The following VPS13D variants were observed in gnomAD, a reference collection of about 807,000 sequenced individuals.
VPS13D encodes the protein intermembrane lipid transfer protein VPS13D.
Under a neutral mutation model 461.9 loss-of-function variants are expected in VPS13D, and 187 were observed. The observed-to-expected ratio is 0.40, with a 90% CI of 0.36 to 0.46. The LOEUF (loss-of-function observed/expected upper bound fraction) is 0.46, where lower values mean the gene tolerates loss of function less well. Among genes scored for constraint, VPS13D ranks in the 20% least tolerant of loss-of-function variants. VPS13D has a pLI of 0.60. For synonymous variants in VPS13D, 1,951 were observed against 1,986.3 expected (o/e 0.98, Z 0.47); for missense variants, 4,711 against 5,364.9 (o/e 0.88, Z 3.81).
chr1:12,300,454 C>T (rs1321489342), intron 25 of VPS13D, among the ~76,000 whole-genome samples: 5 of 152,088 alleles, frequency 3.3e-5, no homozygotes, highest in African/African-American at 4.8e-5. Flanking sequence ...GTTATCCACC[C>T]GCCTTGGCCT....
chr1:12,277,295 T>A lies in VPS13D; in HGVS notation c.3707T>A (p.Val1236Asp). The A allele has an allele frequency of 6.2e-7, 1 of 1,614,252 alleles. No individual in the cohort carries two copies. The highest frequency in any genetic ancestry group is 8.5e-7 in the Non-Finnish European group (1 of 1,180,040). Reference sequence around the variant, plus strand: ...GATAACGTTAAAAACCAGTATGTTGTCAGCATTGGGAATTCTGTAGGCTAT... The same window carrying A: ...GATAACGTTAAAAACCAGTATGTTGACAGCATTGGGAATTCTGTAGGCTAT... ...TQDNVKNQYV[V>D]SIGNSVGYEN... Residue 1236 changes from valine to aspartate, a missense_variant, in exon 19 of 70, where the codon GTC becomes GAC. Coordinates refer to ENST00000620676, the MANE Select transcript of VPS13D (RefSeq NM_015378.4).
chr1:12,415,000 T>A (rs1049605871), intron 63 of VPS13D, 87 bp from the exon 64 acceptor site: 1 of 1,500,570 alleles, frequency 6.7e-7, no homozygotes, highest in African/African-American at 1.4e-5. Flanking sequence ...TTAACATGAC[T>A]TGTAGCTTTA....
intron 40 of VPS13D, among the ~76,000 whole-genome samples, chr1:12,339,861 T>C (rs563865928): frequency 6.6e-6 from 1 of 152,360 alleles, no homozygotes; most frequent in Admixed American, 6.5e-5. Flanking sequence ...TATATTTGTA[T>C]GGATTCGCAG....
chr1:12,411,810 G>A (rs1187311656), intron 63 of VPS13D, among the ~76,000 whole-genome samples: 1 of 152,190 alleles, frequency 6.6e-6, no homozygotes, highest in African/African-American at 2.4e-5. Flanking sequence ...CAGCGGATTG[G>A]TGCTGGCTGT....
rs1426732587 is a variant in VPS13D, at chr1:12,304,548, A to G, written c.6259A>G (p.Ser2087Gly). ...SASPTGIPKH[S>G]LRKTTSTEEP... ...TTCCCCAACGGGTATTCCCAAACAC[A>G]GTCTGAGGAAAACGACAAGCACGGA... The change falls in exon 26 of 70, where the codon AGT becomes GGT. Residue 2087 changes from serine to glycine, a missense_variant. Ser to Gly is a moderately conservative substitution (Grantham distance 56). Around this residue, in one of 3 missense-constraint regions of VPS13D, gnomAD observed 4,411 missense variants for 4,937.8 expected, o/e 0.89. Transcript: ENST00000620676. The G allele has an allele frequency of 6.2e-7, 1 of 1,613,988 alleles. No individual in the cohort carries two copies. The highest frequency in any genetic ancestry group is 8.5e-7 in the Non-Finnish European group (1 of 1,180,024).
In VPS13D at chr1:12,507,483, T is replaced by G. The variant is rs1222346488; in HGVS notation, c.13035+390T>G. The G allele has an allele frequency of 4.2e-6, 2 of 472,408 alleles. No individual in the cohort carries two copies. The highest frequency in any genetic ancestry group is 8.4e-6 in the Non-Finnish European group (2 of 237,956). The allele number at this position is 472,408 out of a possible 1,614,324, so 29.3% of individuals were successfully genotyped here. A position where few individuals can be genotyped will look rare whatever the true frequency, so the allele number is the denominator to read the frequency against. On this transcript the variant is annotated intron_variant, in intron 69 of 69. Transcript: ENST00000620676. The surrounding 1 kb of genome is among the most constrained non-coding windows in gnomAD (Gnocchi z 5.3). ...GAAAGCACTGGAGCTCACGCTGGTT[T>G]CTCCATTGTTTCTCCTTAACAGTGG...
chr1:12,401,360 CCTGA>C (rs1197826311), intron 61 of VPS13D, among the ~76,000 whole-genome samples: 1 of 152,170 alleles, frequency 6.6e-6, no homozygotes, highest in Non-Finnish European at 1.5e-5. Context: ...AGGCTGGAAT[CCTGA>C]CTAATGAGGC....
chr1:12,390,179 T>G (rs1250835463), intron 60 of VPS13D, among the ~76,000 whole-genome samples: 1 of 152,168 alleles, frequency 6.6e-6, no homozygotes, highest in Admixed American at 6.5e-5. Flanking sequence ...AGTGGATCAT[T>G]AGGGGTGATG....
chr1:12,353,900 C>T (rs1002186527), intron 46 of VPS13D, 74 bp from the exon 47 acceptor site: 10 of 1,468,694 alleles, frequency 6.8e-6, no homozygotes, highest in Middle Eastern at 1.9e-4. Flanking sequence ...TATTCTTTCT[C>T]ATACTTAGCT....
intron 23 of VPS13D, among the ~76,000 whole-genome samples, chr1:12,292,852 G>T (rs1011675941): frequency 1.3e-5 from 2 of 152,084 alleles, no homozygotes; most frequent in Admixed American, 6.6e-5. Context: ...ACCCTGCTGA[G>T]AATGGATTTG....
intron 2 of VPS13D, among the ~76,000 whole-genome samples, chr1:12,237,799 C>T (rs148863541): frequency 6.6e-6 from 1 of 152,220 alleles, no homozygotes; most frequent in Non-Finnish European, 1.5e-5. Flanking sequence ...TGCACTGTAG[C>T]CTGGGCAACA....
intron 18 of VPS13D, 90 bp downstream of exon 18, chr1:12,273,225 ATG>A (rs887180905): frequency 3.8e-5 from 54 of 1,439,196 alleles, no homozygotes; most frequent in Non-Finnish European, 4.6e-5. Flanking sequence ...TAAAATGTTT[ATG>A]TAACATTTTT....
chr1:12,232,544 A>G (rs978932685), intron 1 of VPS13D, among the ~76,000 whole-genome samples: 4 of 151,572 alleles, frequency 2.6e-5, no homozygotes, highest in Admixed American at 1.3e-4. Context: ...CACAGTTTCC[A>G]CTGGGATCTT....
intron 63 of VPS13D, among the ~76,000 whole-genome samples, chr1:12,406,695 C>T (rs977176762): frequency 6.6e-6 from 1 of 152,184 alleles, no homozygotes; most frequent in Non-Finnish European, 1.5e-5. Flanking sequence ...GCCTGACTCC[C>T]CATTCTCTCC....
intron 67 of VPS13D, among the ~76,000 whole-genome samples, chr1:12,462,734 A>G (rs1218337844): frequency 6.6e-6 from 1 of 152,168 alleles, no homozygotes. Flanking sequence ...TTCCCTGCTG[A>G]CTCAAGATTT....
intron 38 of VPS13D, among the ~76,000 whole-genome samples, 191 bp from the exon 39 acceptor site, chr1:12,335,514 G>T (rs774943637): frequency 6.6e-6 from 1 of 152,112 alleles, no homozygotes; most frequent in Non-Finnish European, 1.5e-5. Context: ...TGTGGCGATG[G>T]TTGTCTATTC....
At chr1:12,370,017 T>G (rs1644094725) in intron 54 of VPS13D, among the ~76,000 whole-genome samples, 1 of 152,242 alleles carries the variant, frequency 6.6e-6, no homozygotes, top group African/African-American at 2.4e-5. Flanking sequence ...TGAAACTGAC[T>G]AATCTTCATC....
At chr1:12,347,639 CA>C (rs1214788855) in intron 44 of VPS13D, among the ~76,000 whole-genome samples, 3 of 152,148 alleles carry the variant, frequency 2.0e-5, no homozygotes, top group African/African-American at 7.2e-5. Flanking sequence ...AGTCTTGGTT[CA>C]AAACATGGAG....
chr1:12,284,877 C>T (rs1191301680), intron 21 of VPS13D, among the ~76,000 whole-genome samples: 1 of 152,220 alleles, frequency 6.6e-6, no homozygotes, highest in African/African-American at 2.4e-5. Context: ...TTGCAGTACT[C>T]CGAGGCCTCT....
Sources: allele counts gnomAD v4.1 joint callset (sites outside exome capture counted in the v4.1 genomes callset), GRCh38; gene constraint gnomAD v4.1.1; regional missense constraint gnomAD v4.1.1; non-coding constraint Gnocchi (gnomAD v3.1); transcripts MANE v1.5; gene names NCBI Gene and HGNC (gene_info 2026-07-23, HGNC 2026-07-21).